The following MTMR6 variants were observed in gnomAD, a reference collection of about 807,000 sequenced individuals.
The protein encoded by MTMR6 is myotubularin related protein 6.
A neutral mutation model predicts 80.1 loss-of-function variants in MTMR6; 47 were observed. The observed-to-expected ratio is 0.59, with a 90% CI of 0.46 to 0.75. The LOEUF (loss-of-function observed/expected upper bound fraction) is 0.75. Among genes scored for constraint, MTMR6 ranks in the 30% least tolerant of loss-of-function variants. The probability of loss-of-function intolerance (pLI) is 0.00; values close to 1 mark genes in which losing one functional copy is unlikely to be tolerated. For missense variants in MTMR6, 629 were observed against 730.9 expected (o/e 0.86, Z 1.61); for synonymous variants, 254 against 253.0 (o/e 1.00, Z -0.04).
intron 1 of MTMR6, among the ~76,000 whole-genome samples, chr13:25,276,692 T>A (rs1478557888): frequency 6.6e-6 from 1 of 152,206 alleles, no homozygotes; most frequent in Non-Finnish European, 1.5e-5. Context: ...GAATCTTACC[T>A]ACTGTCATTA....
Position 25,257,293 on chromosome 13 carries a change from A to T in MTMR6, c.998T>A (p.Leu333Ter), listed in dbSNP as rs1299726189. 5 of 1,613,978 alleles carry T rather than the reference A, an allele frequency of 3.1e-6. No individual in the cohort carries two copies. Among genetic ancestry groups the T allele is most frequent in the Non-Finnish European group, 3.4e-6 (4 of 1,179,868 alleles). Residue 333 changes from leucine to a stop codon, truncating the protein, a stop_gained, in exon 9 of 14, where the codon TTG becomes TAG. Transcript: ENST00000381801. LOFTEE classifies it high-confidence loss of function. ...KAITVENASV[L>*]VHCSDGWDRT... The stretch of plus-strand genomic sequence containing the variant: ...ATCCCAACCATCGGAACAATGCACC[A>T]ACACACTTGCATTTTCAACTGTTAT...
chr13:25,287,094 T>A (rs1957968511), intron 1 of MTMR6, 130 bp downstream of exon 1: 1 of 1,366,738 alleles, frequency 7.3e-7, no homozygotes, highest in East Asian at 2.5e-5. Context: ...GGCCAGACCC[T>A]CCCGCCCCGG....
intron 3 of MTMR6, 65 bp from the exon 4 acceptor site, chr13:25,266,351 T>A: frequency 7.3e-7 from 1 of 1,363,158 alleles, no homozygotes; most frequent in Non-Finnish European, 1.0e-6. Context: ...CAAATAAATG[T>A]AATTTTTCAG....
In MTMR6 at chr13:25,266,122, A is replaced by C; in HGVS notation, c.462+7T>G. 1 of 1,612,818 alleles carries C rather than the reference A, an allele frequency of 6.2e-7. No individual in the cohort carries two copies. The highest frequency in any genetic ancestry group is 8.5e-7 in the Non-Finnish European group (1 of 1,179,512). On this transcript the variant is annotated splice_region_variant and intron_variant, in intron 4 of 13. Transcript: ENST00000381801. The stretch of plus-strand genomic sequence containing the variant: ...TTCTGAATTTCTCCAAAATGTTGTT[A>C]AGGTACCTTGTAGTCCCGGTTGGCA...
At chr13:25,285,235 T>C (rs1012904346) in intron 1 of MTMR6, among the ~76,000 whole-genome samples, 7 of 152,164 alleles carry the variant, frequency 4.6e-5, no homozygotes, top group Non-Finnish European at 7.4e-5. Flanking sequence ...AACAAAGATA[T>C]ATATTCATAA....
intron 1 of MTMR6, among the ~76,000 whole-genome samples, chr13:25,279,826 A>G (rs1439700055): frequency 2.6e-5 from 4 of 152,206 alleles, no homozygotes; most frequent in Non-Finnish European, 5.9e-5. Context: ...TCAATAGCAG[A>G]GGTTTATCTG....
intron 2 of MTMR6, among the ~76,000 whole-genome samples, chr13:25,271,996 T>C (rs767773953): frequency 6.6e-6 from 1 of 152,042 alleles, no homozygotes; most frequent in Admixed American, 6.6e-5. Context: ...ACCAAACGAA[T>C]AGAAAAGAAA....
intron 3 of MTMR6, 51 bp downstream of exon 3, chr13:25,267,728 G>T: frequency 6.5e-7 from 1 of 1,531,600 alleles, no homozygotes; most frequent in Non-Finnish European, 8.9e-7. Context: ...AAGTATCTTA[G>T]ATAACCCATC....
In MTMR6 at chr13:25,258,730, C is replaced by T. The variant is rs140033896; in HGVS notation, c.727-38G>A. 2.0e-6 allele frequency: 3 copies of T among 1,473,240 alleles called. No homozygotes were observed. The East Asian group carries it at 7.6e-5, about 37-fold the overall frequency. 91.3% of individuals were successfully genotyped at this position (1,473,240 alleles called of 1,614,324 possible). On this transcript the variant is annotated intron_variant, in intron 6 of 13. Transcript: ENST00000381801. ...GTTTTAGAAATTTAGAGACAAATTA[C>T]TTTTTTAATTTACCAAAATGTCATG...
intron 1 of MTMR6, among the ~76,000 whole-genome samples, chr13:25,286,497 T>C (rs190416211): frequency 3.9e-5 from 6 of 152,388 alleles, no homozygotes; most frequent in African/African-American, 1.4e-4. Context: ...TCCTTCCGTT[T>C]TTAAATTTGT....
rs1957079935 is a variant in MTMR6 at position 25,251,186 on chromosome 13, T to G, written c.1605+463A>C. 6.6e-6 allele frequency among the ~76,000 whole-genome samples: 1 copy of G among 152,022 alleles called. No individual in the cohort carries two copies. Among genetic ancestry groups the G allele is most frequent in the Non-Finnish European group, 1.5e-5 (1 of 68,006 alleles). Reference sequence around the variant, plus strand: ...CATGCGCCACCATGCCCGGCTACTTTTTTGTTATTTTTTTAGTAGAGATGG... The same window carrying G: ...CATGCGCCACCATGCCCGGCTACTTGTTTGTTATTTTTTTAGTAGAGATGG... On this transcript the variant is annotated intron_variant, in intron 13 of 13. Transcript: ENST00000381801. This position sits in a 1 kb window ranked among gnomAD's most constrained non-coding sequence, Gnocchi z 4.1.
chr13:25,274,214 C>A (rs771981084), intron 1 of MTMR6, 27 bp from the exon 2 acceptor site: 2 of 1,444,068 alleles, frequency 1.4e-6, no homozygotes, highest in Non-Finnish European at 1.9e-6. Flanking sequence ...TATTATTTCT[C>A]ATTTCAAAAG....
At chr13:25,264,872 T>A (rs1174301634) in intron 5 of MTMR6, among the ~76,000 whole-genome samples, 1 of 151,108 alleles carries the variant, frequency 6.6e-6, no homozygotes, top group East Asian at 1.9e-4. Flanking sequence ...TGGCACAGAA[T>A]TCCTCAACTT....
At position 25,248,972 on chromosome 13, in the gene MTMR6, G is replaced by A. The variant is rs79812219; in HGVS notation, c.*260C>T. The A allele has an allele frequency of 6.1e-3, 2,643 of 435,646 alleles. 73 individuals carry two copies. Among genetic ancestry groups the A allele is most frequent in the African/African-American group, 0.048 (2,449 of 50,684 alleles). The allele number at this position is 435,646 out of a possible 1,614,324, so 27.0% of individuals were successfully genotyped here. On this transcript the variant is annotated 3_prime_UTR_variant, in exon 14 of 14. Coordinates refer to ENST00000381801, the MANE Select transcript of MTMR6 (RefSeq NM_004685.5). The stretch of plus-strand genomic sequence containing the variant: ...AAATCATAAACGTCAATTCACTAGT[G>A]TACAGTGCAAATTGTGTTTTGAGTA...
At chr13:25,263,163 A>T (rs964055530) in intron 5 of MTMR6, among the ~76,000 whole-genome samples, 1 of 152,144 alleles carries the variant, frequency 6.6e-6, no homozygotes, top group Non-Finnish European at 1.5e-5. Context: ...AGCAAGTGAT[A>T]ACCAATTTTA....
chr13:25,285,393 C>A (rs1356292002), intron 1 of MTMR6, among the ~76,000 whole-genome samples: 2 of 128,506 alleles, frequency 1.6e-5, no homozygotes, highest in African/African-American at 2.9e-5. Flanking sequence ...TTTTCCGCCC[C>A]CCCCCCCCCA....
chr13:25,257,098 T>C, intron 9 of MTMR6, 98 bp downstream of exon 9: 1 of 1,260,470 alleles, frequency 7.9e-7, no homozygotes, highest in Non-Finnish European at 1.1e-6. Flanking sequence ...ATCATTTCCT[T>C]TAGTGCAAAA....
chr13:25,261,576 T>G (rs1404093465), intron 6 of MTMR6, 92 bp downstream of exon 6: 3 of 1,093,842 alleles, frequency 2.7e-6, no homozygotes, highest in African/African-American at 1.6e-5. Flanking sequence ...AGGATTCAGA[T>G]ATTTTAAATA....
intron 7 of MTMR6, among the ~76,000 whole-genome samples, chr13:25,258,062 A>C (rs1304388295): frequency 6.6e-6 from 1 of 152,224 alleles, no homozygotes; most frequent in Non-Finnish European, 1.5e-5. Context: ...CTCTTAAAAA[A>C]CATTGTAGCA....
Sources: allele counts gnomAD v4.1 joint callset (sites outside exome capture counted in the v4.1 genomes callset), GRCh38; gene constraint gnomAD v4.1.1; non-coding constraint Gnocchi (gnomAD v3.1); transcripts MANE v1.5; gene names NCBI Gene and HGNC (gene_info 2026-07-23, HGNC 2026-07-21).